The following KIAA1217 variants were observed in gnomAD, a reference collection of about 807,000 sequenced individuals.
The protein encoded by KIAA1217 is sickle tail protein homolog.
A neutral mutation model predicts 163.9 loss-of-function variants in KIAA1217; 88 were observed. The ratio of observed to expected loss-of-function variants is 0.54; its 90% CI spans 0.45 to 0.64. The LOEUF (loss-of-function observed/expected upper bound fraction) is 0.64. KIAA1217 is among the 30% of genes least tolerant of loss of function. KIAA1217 has a pLI of 0.00. For missense variants in KIAA1217, 2,372 were observed against 2,475.0 expected (o/e 0.96, Z 0.88); for synonymous variants, 903 against 923.1 (o/e 0.98, Z 0.39).
chr10:24,174,292 C>A, intron 2 of KIAA1217, among the ~76,000 whole-genome samples: 1 of 152,322 alleles, frequency 6.6e-6, no homozygotes, highest in Non-Finnish European at 1.5e-5. Context: ...GCCACCTGGG[C>A]AGCTTGTCCT....
chr10:23,972,572 T>G (rs948383066), intron 1 of KIAA1217, among the ~76,000 whole-genome samples: 9 of 151,372 alleles, frequency 5.9e-5, no homozygotes, highest in African/African-American at 2.2e-4. Flanking sequence ...ATATGTAAAT[T>G]TTATTATACT....
intron 9 of KIAA1217, among the ~76,000 whole-genome samples, chr10:24,507,584 T>C (rs1807429629): frequency 1.3e-5 from 2 of 152,118 alleles, no homozygotes; most frequent in African/African-American, 4.8e-5. Context: ...TGGAAACTGT[T>C]CAAACTGAAG....
chr10:24,291,182 C>T (rs2079053118), intron 2 of KIAA1217, among the ~76,000 whole-genome samples: 3 of 152,152 alleles, frequency 2.0e-5, no homozygotes, highest in Admixed American at 6.5e-5. Context: ...TAAGCATGGG[C>T]TATCCTAGAG....
At chr10:24,362,432 A>C (rs11014055) in intron 2 of KIAA1217, among the ~76,000 whole-genome samples, 3,273 of 152,338 alleles carry the variant, frequency 0.021, 76 homozygotes, top group East Asian at 0.097. Flanking sequence ...GAAAAGAAGA[A>C]GAAAAGGAAA....
Position 24,221,585 on chromosome 10 carries a change from G to A in KIAA1217, c.354+1676G>A, listed in dbSNP as rs7080523. ...CTTAAATTCAATCTTCTCTTCTAGA[G>A]AATCATTATCTGAGTGGCTAAAAAT... is the stretch of plus-strand genomic sequence containing the variant. On this transcript the variant is annotated intron_variant, in intron 2 of 20. Transcript: ENST00000376454. Among the ~76,000 whole-genome samples the A allele has an allele frequency of 9.9e-3, 1,513 of 152,250 alleles. 18 individuals carry two copies. The highest frequency in any genetic ancestry group is 0.027 in the African/African-American group (1,105 of 41,542).
Position 24,473,705 on chromosome 10 carries a change from G to A in KIAA1217, c.1324G>A (p.Ala442Thr). Reference protein sequence around the residue: ...ASAYCNPSMQAEMHMEQSLYR... With the variant: ...ASAYCNPSMQTEMHMEQSLYR... ...TGCTTATTGTAACCCCTCAATGCAA[G>A]CGGAAATGCATATGGAACAATCACT... The change falls in exon 6 of 21, where the codon GCG becomes ACG. Residue 442 changes from alanine (A) to threonine (T), a missense_variant. By Grantham distance (58) the Ala-to-Thr change is moderately conservative. Around this residue, in one of 3 missense-constraint regions of KIAA1217, gnomAD observed 1,431 missense variants for 1,470.3 expected, o/e 0.97. Coordinates refer to ENST00000376454, the MANE Select transcript of KIAA1217 (RefSeq NM_019590.5). The A allele has an allele frequency of 1.2e-6, 2 of 1,614,030 alleles. No homozygotes were observed. Among genetic ancestry groups the A allele is most frequent in the East Asian group, 2.2e-5 (1 of 44,862 alleles).
At chr10:23,796,898 G>A (rs989230403) in intron 1 of KIAA1217, among the ~76,000 whole-genome samples, 1 of 151,976 alleles carries the variant, frequency 6.6e-6, no homozygotes, top group Non-Finnish European at 1.5e-5. Flanking sequence ...TGCCACCCAG[G>A]CTGGAGTGCA....
At chr10:23,803,764 G>A (rs1836596674) in intron 1 of KIAA1217, among the ~76,000 whole-genome samples, 1 of 152,066 alleles carries the variant, frequency 6.6e-6, no homozygotes, top group Admixed American at 6.6e-5. Context: ...TAGTGCCTAG[G>A]TCTTTTTTGT....
intron 1 of KIAA1217, among the ~76,000 whole-genome samples, chr10:23,871,998 A>AT (rs908851646): frequency 6.6e-6 from 1 of 151,992 alleles, no homozygotes; most frequent in Admixed American, 6.6e-5. Context: ...ATTCTTCTCC[A>AT]TTTTTATTCA....
At chr10:24,337,139 T>G (rs982469996) in intron 2 of KIAA1217, among the ~76,000 whole-genome samples, 1 of 152,200 alleles carries the variant, frequency 6.6e-6, no homozygotes, top group African/African-American at 2.4e-5. Context: ...CACTGTGAGA[T>G]TAAATATTTG....
intron 1 of KIAA1217, among the ~76,000 whole-genome samples, chr10:23,767,968 A>G (rs570713452): frequency 6.6e-6 from 1 of 152,198 alleles, no homozygotes; most frequent in South Asian, 2.1e-4. Context: ...ACTTCAAGAG[A>G]CCAGAAGGAG....
chr10:24,359,324 C>A (rs990024571), intron 2 of KIAA1217, among the ~76,000 whole-genome samples: 2 of 152,046 alleles, frequency 1.3e-5, no homozygotes, highest in African/African-American at 4.8e-5. Flanking sequence ...AACTCCTGGC[C>A]TCAAGTGATC....
rs201169039 is a variant in KIAA1217, at chr10:24,395,842, T to TTTG, written c.553+14787_553+14789dup. Among the ~76,000 whole-genome samples, 1,039 of 152,162 alleles carry TTTG rather than the reference T, an allele frequency of 6.8e-3. 15 individuals are homozygous for TTTG. The highest frequency in any genetic ancestry group is 0.023 in the African/African-American group (961 of 41,498). ...TGTACTATCAATTACACTTGGCTAT[T>TTTG]TTGTTGTTGTTGTTAATTTTGTAGG... On this transcript the variant is annotated intron_variant, in intron 3 of 20. Coordinates refer to ENST00000376454, the MANE Select transcript of KIAA1217 (RefSeq NM_019590.5).
intron 2 of KIAA1217, among the ~76,000 whole-genome samples, chr10:24,240,035 A>C (rs370880294): frequency 1.3e-5 from 2 of 152,234 alleles, no homozygotes; most frequent in African/African-American, 4.8e-5. Flanking sequence ...GTAGTTTTTA[A>C]AGCATGGTTT....
At chr10:24,540,211 A>G (rs2074809050) in intron 17 of KIAA1217, among the ~76,000 whole-genome samples, 1 of 152,116 alleles carries the variant, frequency 6.6e-6, no homozygotes, top group East Asian at 1.9e-4. Context: ...TAAAATACAT[A>G]TATTACAGGG....
At chr10:23,987,523 A>T in intron 1 of KIAA1217, among the ~76,000 whole-genome samples, 1 of 152,084 alleles carries the variant, frequency 6.6e-6, no homozygotes, top group Non-Finnish European at 1.5e-5. Context: ...CATATTTATC[A>T]TGTACAACTT....
At chr10:23,775,723 C>T (rs1309428789) in intron 1 of KIAA1217, among the ~76,000 whole-genome samples, 2 of 152,182 alleles carry the variant, frequency 1.3e-5, no homozygotes, top group Non-Finnish European at 2.9e-5. Context: ...ACTAGTATTT[C>T]ACATAACATG....
At chr10:23,987,465 A>G (rs1272787237) in intron 1 of KIAA1217, among the ~76,000 whole-genome samples, 1 of 151,118 alleles carries the variant, frequency 6.6e-6, no homozygotes, top group Non-Finnish European at 1.5e-5. Context: ...ACTTATGTTC[A>G]TGTGTAATAA....
At chr10:23,740,724 T>C (rs1839059949) in intron 1 of KIAA1217, among the ~76,000 whole-genome samples, 1 of 151,988 alleles carries the variant, frequency 6.6e-6, no homozygotes, top group African/African-American at 2.4e-5. Context: ...ATCTCATCCT[T>C]GTAGCCATCC....
Sources: gnomAD v4.1 joint callset for allele counts (sites outside exome capture counted in the v4.1 genomes callset) on GRCh38, gnomAD v4.1.1 for gene constraint, gnomAD v4.1.1 regional missense constraint, MANE v1.5 for transcripts, NCBI Gene and HGNC (gene_info 2026-07-23, HGNC 2026-07-21) for gene names.